ROBO3: variants seen among roughly 807,000 people sequenced by gnomAD.
ROBO3 encodes roundabout guidance receptor 3.
In ROBO3, 97 loss-of-function variants were observed where a neutral mutation model predicts 160.5. That is an observed-to-expected ratio of 0.60 (90% confidence interval 0.51 to 0.72). The LOEUF (loss-of-function observed/expected upper bound fraction) is 0.72, where lower values mean the gene tolerates loss of function less well. Ranked by LOEUF, ROBO3 falls within the 30% of genes least tolerant of loss-of-function variation. ROBO3 has a pLI of 0.00. For synonymous variants in ROBO3, 780 were observed against 746.2 expected, an observed-to-expected ratio of 1.05 and a Z score of -0.74; for missense variants, 1,858 against 1,846.5, an observed-to-expected ratio of 1.01 and a Z score of -0.11.
intron 24 of ROBO3, 30 bp downstream of exon 24, chr11:124,879,371 C>T (rs577354655): frequency 2.5e-5 from 40 of 1,605,672 alleles, no homozygotes; most frequent in East Asian, 1.1e-4. Flanking sequence ...TTTTGCCCCC[C>T]GGCTCCCTCC....
chr11:124,870,079 G>A lies in ROBO3; in HGVS notation c.766+11G>A, dbSNP rs773506691. ...AAGTCATGGTACTGGGTAGGCACAGGGAATTTTGACATTATGGGAACAGGT... is the reference window on the plus strand; with the variant it reads ...AAGTCATGGTACTGGGTAGGCACAGAGAATTTTGACATTATGGGAACAGGT... On this transcript the variant is annotated intron_variant, in intron 4 of 27. Transcript: ENST00000397801. 15 of 1,613,954 alleles carry A rather than the reference G, an allele frequency of 9.3e-6. No homozygotes were observed. The South Asian group carries it at 1.3e-4, about 14-fold the overall frequency.
Position 124,879,311 on chromosome 11 carries a change from C to A in ROBO3, c.3655C>A (p.Pro1219Thr). The A allele has an allele frequency of 6.2e-7, 1 of 1,609,016 alleles. No homozygotes were observed. The highest frequency in any genetic ancestry group is 8.5e-7 in the Non-Finnish European group (1 of 1,177,936). The change falls in exon 24 of 28, where the codon CCT becomes ACT. Residue 1219 changes from proline to threonine, a missense_variant. Coordinates refer to ENST00000397801, the MANE Select transcript of ROBO3 (RefSeq NM_022370.4). Reference sequence around the variant, plus strand: ...AGCCTCACCCCACCTCAGCCCCAGTCCTGCCCCTAGCACAGCCAGCAGTGC... The same window carrying A: ...AGCCTCACCCCACCTCAGCCCCAGTACTGCCCCTAGCACAGCCAGCAGTGC... ...PAASPHLSPS[P>T]APSTASSAPG...
Position 124,878,208 on chromosome 11 carries a change from T to G in ROBO3, c.3181+77T>G. On this transcript the variant is annotated intron_variant, in intron 21 of 27. Transcript: ENST00000397801. This position sits in a 1 kb window ranked among gnomAD's most constrained non-coding sequence, Gnocchi z 4.3. Reference sequence around the variant, plus strand: ...AAGAGGATCCTCCTCCCTGACCCTCTGGCACCTAGCCCGGCACTTCCTTCT... The same window carrying G: ...AAGAGGATCCTCCTCCCTGACCCTCGGGCACCTAGCCCGGCACTTCCTTCT... 4 of 1,574,242 alleles carry G rather than the reference T, an allele frequency of 2.5e-6. No homozygotes were observed. The South Asian group carries it at 3.5e-5, about 14-fold the overall frequency.
chr11:124,878,968 C>T lies in ROBO3; in HGVS notation c.3533+172C>T. ...GCAGGAATATGGAGGCTGACAAGAT[C>T]TCTCATGCCCATTAGACTGGCTCTT... On this transcript the variant is annotated intron_variant, in intron 23 of 27. Transcript: ENST00000397801. The surrounding 1 kb of genome is among the most constrained non-coding windows in gnomAD (Gnocchi z 4.3). 1.3e-6 allele frequency: 1 copy of T among 756,658 alleles called. No individual in the cohort carries two copies. The highest frequency in any genetic ancestry group is 1.8e-5 in the South Asian group (1 of 55,126). The allele number at this position is 756,658 out of a possible 1,614,324, so 46.9% of individuals were successfully genotyped here.
At chr11:124,880,681 A>T in intron 27 of ROBO3, 73 bp downstream of exon 27, 1 of 1,451,812 alleles carries the variant, frequency 6.9e-7, no homozygotes, top group Admixed American at 2.6e-5. Flanking sequence ...AATGGAAAAC[A>T]GGAAGGTGGG....
Position 124,869,429 on chromosome 11 carries a change from G to GCCCCCCCCCCCC in ROBO3, c.488-15_488-14insCCCCCCCCCCCC, listed in dbSNP as rs34127060. 940 of 1,301,282 alleles carry GCCCCCCCCCCCC rather than the reference G, an allele frequency of 7.2e-4. 1 individual carries two copies. The highest frequency in any genetic ancestry group is 4.0e-3 in the South Asian group (318 of 79,862). The allele number at this position is 1,301,282 out of a possible 1,614,324, so 80.6% of individuals were successfully genotyped here. A position where few individuals can be genotyped will look rare whatever the true frequency, so the allele number is the denominator to read the frequency against. On this transcript the variant is annotated intron_variant, in intron 2 of 27. Coordinates refer to ENST00000397801, the MANE Select transcript of ROBO3 (RefSeq NM_022370.4). This position sits in a 1 kb window ranked among gnomAD's most constrained non-coding sequence, Gnocchi z 4.2. ...TGTCACTCTACACCCTGCTTATTTCGCCCCCCACCGCCCCGCCCAGTCCTC... is the reference window on the plus strand; with the variant it reads ...TGTCACTCTACACCCTGCTTATTTCGCCCCCCCCCCCCCCCCCCACCGCCCCGCCCAGTCCTC...
chr11:124,874,154 C>A lies in ROBO3; in HGVS notation c.1869C>A (p.Thr623=). The A allele has an allele frequency of 6.2e-7, 1 of 1,613,978 alleles. No homozygotes were observed. The highest frequency in any genetic ancestry group is 8.5e-7 in the Non-Finnish European group (1 of 1,179,880). ...CAGTCAGCGGTCTGCAGCCCAATAC[C>A]ATCTACCTGTTTCTGGTTCGAGCAG... ...THTVSGLQPN[T]IYLFLVRAVG... The change falls in exon 12 of 28, where the codon ACC becomes ACA. Residue 623 remains threonine, a synonymous_variant. Transcript: ENST00000397801.
rs1311188658 is a variant in ROBO3, at chr11:124,874,000, T to C, written c.1785-70T>C. 5.6e-5 allele frequency: 89 copies of C among 1,596,286 alleles called. No homozygotes were observed. Among genetic ancestry groups the C allele is most frequent in the Non-Finnish European group, 5.0e-5 (58 of 1,167,008 alleles). ...AGACATAATGGTCGTTCATAGAGAG[T>C]GGATGAGATGGAGTAGGCAGGTTGG... is the stretch of plus-strand genomic sequence containing the variant. On this transcript the variant is annotated intron_variant, in intron 11 of 27. Coordinates refer to ENST00000397801, the MANE Select transcript of ROBO3 (RefSeq NM_022370.4). This position sits in a 1 kb window ranked among gnomAD's most constrained non-coding sequence, Gnocchi z 4.5.
rs1348966025 is a variant in ROBO3, at chr11:124,881,178, C to G, written c.4150-61C>G. 3.9e-6 allele frequency: 6 copies of G among 1,553,940 alleles called. No homozygotes were observed. In the East Asian group the frequency reaches 9.3e-5, roughly 24 times the overall value. On this transcript the variant is annotated intron_variant, in intron 27 of 27. Coordinates refer to ENST00000397801, the MANE Select transcript of ROBO3 (RefSeq NM_022370.4). ...TAGGAGAGAGAAAGCCTGAGCCCTT[C>G]CTGGACTTGTTTGCCCTGGGCCAGG...
Position 124,876,313 on chromosome 11 carries a change from G to C in ROBO3, c.2632G>C (p.Ala878Pro). The C allele has an allele frequency of 6.9e-7, 1 of 1,443,766 alleles. No individual in the cohort carries two copies. The highest frequency in any genetic ancestry group is 9.0e-7 in the Non-Finnish European group (1 of 1,110,776). 89.4% of individuals were successfully genotyped at this position (1,443,766 alleles called of 1,614,324 possible). The change falls in exon 17 of 28, where the codon GCG (alanine) becomes CCG (proline). Residue 878 changes from alanine to proline, a missense_variant. Ala to Pro is a conservative substitution (Grantham distance 27). Coordinates refer to ENST00000397801, the MANE Select transcript of ROBO3 (RefSeq NM_022370.4). The surrounding 1 kb of genome is among the most constrained non-coding windows in gnomAD (Gnocchi z 5.3). ...CCTGGAGCCCGGGCTGGAGGTGGGC[G>C]CGGGGCTGGCGGTGCGGCTGGCGAG... ...PDLEPGLEVG[A>P]GLAVRLARVL...
chr11:124,867,700 A>AG (rs920117238), intron 1 of ROBO3, among the ~76,000 whole-genome samples: 74 of 138,192 alleles, frequency 5.4e-4, no homozygotes, highest in South Asian at 6.9e-4. Context: ...AACTTCTAAG[A>AG]GGGGGGGCAG....
In ROBO3 at chr11:124,874,062, T is replaced by G; in HGVS notation, c.1785-8T>G. The G allele has an allele frequency of 6.2e-7, 1 of 1,613,774 alleles. No individual in the cohort carries two copies. ...TTAGACAACCCTGTCATCTCCTTCT[T>G]GTTGTAGCCCAGCAGCTGGCAACAC... On this transcript the variant is annotated splice_polypyrimidine_tract_variant and splice_region_variant and intron_variant, in intron 11 of 27. Transcript: ENST00000397801.
In ROBO3 at chr11:124,878,444, T is replaced by A. The variant is rs1946461695; in HGVS notation, c.3320+8T>A. 1.2e-6 allele frequency: 2 copies of A among 1,611,358 alleles called. No homozygotes were observed. The highest frequency in any genetic ancestry group is 1.7e-6 in the Non-Finnish European group (2 of 1,178,298). On this transcript the variant is annotated splice_region_variant and intron_variant, in intron 22 of 27. Coordinates refer to ENST00000397801, the MANE Select transcript of ROBO3 (RefSeq NM_022370.4). The surrounding 1 kb of genome is among the most constrained non-coding windows in gnomAD (Gnocchi z 4.3). ...GGAGGAGCTGGAGGGCAGGTAGAGA[T>A]GCTCCCTGCTTCCAGGCCCACACAC...
At position 124,873,277 on chromosome 11, in the gene ROBO3, C is replaced by G. The variant is rs746490046; in HGVS notation, c.1537-33C>G. The G allele has an allele frequency of 6.3e-6, 10 of 1,581,514 alleles. No individual in the cohort carries two copies. The Admixed American group carries it at 1.8e-4, about 28-fold the overall frequency. Reference sequence around the variant, plus strand: ...CCCCCTCACTGGATCTTGCTCCACTCTCAGTTTGCCAGTGCTCTGCCCTCT... The same window carrying G: ...CCCCCTCACTGGATCTTGCTCCACTGTCAGTTTGCCAGTGCTCTGCCCTCT... On this transcript the variant is annotated intron_variant, in intron 9 of 27. Coordinates refer to ENST00000397801, the MANE Select transcript of ROBO3 (RefSeq NM_022370.4). The surrounding 1 kb of genome is among the most constrained non-coding windows in gnomAD (Gnocchi z 4.5).
At position 124,876,509 on chromosome 11, in the gene ROBO3, C is replaced by A. The variant is rs1946380280; in HGVS notation, c.2779+49C>A. 1.5e-6 allele frequency: 2 copies of A among 1,335,184 alleles called. No homozygotes were observed. Among genetic ancestry groups the A allele is most frequent in the African/African-American group, 3.1e-5 (2 of 64,974 alleles). 82.7% of individuals were successfully genotyped at this position (1,335,184 alleles called of 1,614,324 possible). A position where few individuals can be genotyped will look rare whatever the true frequency, so the allele number is the denominator to read the frequency against. On this transcript the variant is annotated intron_variant, in intron 17 of 27. Transcript: ENST00000397801. This position sits in a 1 kb window ranked among gnomAD's most constrained non-coding sequence, Gnocchi z 5.3. Reference sequence around the variant, plus strand: ...ACGGATCCGGGAGGGAGCCAGGCGGCCCATGGGGAGGGGCAGGGGCTTAGC... The same window carrying A: ...ACGGATCCGGGAGGGAGCCAGGCGGACCATGGGGAGGGGCAGGGGCTTAGC...
rs752008860 is a variant in ROBO3, at chr11:124,870,597, G to A, written c.906-4G>A. The A allele has an allele frequency of 6.2e-7, 1 of 1,613,798 alleles. No individual in the cohort carries two copies. The highest frequency in any genetic ancestry group is 1.1e-5 in the South Asian group (1 of 90,958). On this transcript the variant is annotated splice_polypyrimidine_tract_variant and splice_region_variant and intron_variant, in intron 5 of 27. Transcript: ENST00000397801. ...AACCCAGCCTGGGGTGGGGAGTGGA[G>A]CAGGTATGAGATCCGGAGTGACCAC...
intron 19 of ROBO3, 72 bp downstream of exon 19, chr11:124,877,381 C>T: frequency 1.2e-6 from 2 of 1,601,718 alleles, no homozygotes; most frequent in Non-Finnish European, 1.7e-6. Flanking sequence ...CCGCTGACGC[C>T]CCAGGTGGAG....
Position 124,869,346 on chromosome 11 carries a change from G to C in ROBO3, c.488-104G>C. On this transcript the variant is annotated intron_variant, in intron 2 of 27. Coordinates refer to ENST00000397801, the MANE Select transcript of ROBO3 (RefSeq NM_022370.4). This position sits in a 1 kb window ranked among gnomAD's most constrained non-coding sequence, Gnocchi z 4.2. ...TTTTCTCACCTGGGAACGAATTCCA[G>C]TCTGCAGCGATCAACCCCTTCCCAA... 1 of 1,204,578 alleles carries C rather than the reference G, an allele frequency of 8.3e-7. No individual in the cohort carries two copies. The allele number at this position is 1,204,578 out of a possible 1,614,324, so 74.6% of individuals were successfully genotyped here.
At chr11:124,867,194 G>A (rs995170994) in intron 1 of ROBO3, among the ~76,000 whole-genome samples, 2 of 152,176 alleles carry the variant, frequency 1.3e-5, no homozygotes, top group Non-Finnish European at 2.9e-5. Context: ...TTGGGGCCTG[G>A]TAGAATTTGA....
Sources: gnomAD v4.1 joint callset for allele counts (sites outside exome capture counted in the v4.1 genomes callset) on GRCh38, gnomAD v4.1.1 for gene constraint, Gnocchi (gnomAD v3.1) non-coding constraint, MANE v1.5 for transcripts, NCBI Gene and HGNC (gene_info 2026-07-23, HGNC 2026-07-21) for gene names.